The following KCNU1 variants were observed in gnomAD, a reference collection of about 807,000 sequenced individuals.
The protein encoded by KCNU1 is potassium channel subfamily U member 1.
In KCNU1, 93 loss-of-function variants were observed where a neutral mutation model predicts 126.8. The ratio of observed to expected loss-of-function variants is 0.73; its 90% confidence interval spans 0.62 to 0.87. The LOEUF is 0.87. Among genes scored for constraint, KCNU1 ranks in the 40% least tolerant of loss-of-function variants. The pLI is 0.00. For missense variants in KCNU1, 1,330 were observed against 1,367.1 expected, an observed-to-expected ratio of 0.97 and a Z score of 0.43; for synonymous variants, 523 against 494.2, an observed-to-expected ratio of 1.06 and a Z score of -0.77.
chr8:36,857,848 G>T (rs191947115), intron 18 of KCNU1, among the ~76,000 whole-genome samples: 18 of 152,038 alleles, frequency 1.2e-4, no homozygotes, highest in Admixed American at 4.6e-4. Context: ...GTTTCACCAG[G>T]TTGGCCAGGC....
rs148959455 is a variant in KCNU1, at chr8:36,788,937, G to T, written c.315+1512G>T. ...TATGGGAAGTGGGTGGGAAAGGAAT[G>T]ATGAAAAATTACATACCAATAAAAA... is the stretch of plus-strand genomic sequence containing the variant. On this transcript the variant is annotated intron_variant, in intron 2 of 26. Coordinates refer to ENST00000399881, the MANE Select transcript of KCNU1 (RefSeq NM_001031836.3). Among the ~76,000 whole-genome samples the T allele has an allele frequency of 6.0e-4, 92 of 152,280 alleles. 1 individual carries two copies. The highest frequency in any genetic ancestry group is 2.2e-3 in the African/African-American group (90 of 41,542).
At chr8:36,866,768 A>G (rs578169504) in intron 19 of KCNU1, among the ~76,000 whole-genome samples, 1 of 152,288 alleles carries the variant, frequency 6.6e-6, no homozygotes, top group Admixed American at 6.5e-5. Flanking sequence ...AAAATGAATC[A>G]GAGGCCAAAG....
At chr8:36,927,597 G>T (rs1452980940) in intron 24 of KCNU1, among the ~76,000 whole-genome samples, 2 of 152,142 alleles carry the variant, frequency 1.3e-5, no homozygotes, top group African/African-American at 4.8e-5. Flanking sequence ...CTCACTCTGA[G>T]ATTAGAAGTA....
chr8:36,902,216 G>A (rs1291863269), intron 19 of KCNU1, among the ~76,000 whole-genome samples: 1 of 152,050 alleles, frequency 6.6e-6, no homozygotes, highest in Non-Finnish European at 1.5e-5. Context: ...AGGCATATCT[G>A]TTTTTCATAA....
chr8:36,813,670 T>A (rs996290863), intron 7 of KCNU1, among the ~76,000 whole-genome samples: 1 of 151,176 alleles, frequency 6.6e-6, no homozygotes, highest in Non-Finnish European at 1.5e-5. Context: ...AAAGGTTTTT[T>A]TAAAAAAAAA....
At chr8:36,806,730 T>C (rs1803517022) in intron 5 of KCNU1, among the ~76,000 whole-genome samples, 1 of 152,234 alleles carries the variant, frequency 6.6e-6, no homozygotes, top group African/African-American at 2.4e-5. Context: ...AAGCTAATCA[T>C]CATCTCCATA....
chr8:36,910,848 C>T (rs1563331122), intron 21 of KCNU1, 82 bp from the exon 22 acceptor site: 2 of 982,498 alleles, frequency 2.0e-6, no homozygotes, highest in South Asian at 4.1e-5. Flanking sequence ...AATTACATCA[C>T]TCACAAAGAG....
At chr8:36,815,517 T>C in intron 8 of KCNU1, 79 bp from the exon 9 acceptor site, 1 of 684,130 alleles carries the variant, frequency 1.5e-6, no homozygotes, top group Non-Finnish European at 2.5e-6. Context: ...TACCCTCCTT[T>C]TCCTTTCTAA....
chr8:36,786,294 T>C (rs756910409), intron 1 of KCNU1, among the ~76,000 whole-genome samples: 22 of 152,234 alleles, frequency 1.4e-4, no homozygotes, highest in Non-Finnish European at 2.8e-4. Flanking sequence ...AATTTTATGA[T>C]GGAATTCAAA....
At chr8:36,900,044 T>C (rs1199894140) in intron 19 of KCNU1, among the ~76,000 whole-genome samples, 1 of 152,116 alleles carries the variant, frequency 6.6e-6, no homozygotes, top group East Asian at 1.9e-4. Flanking sequence ...GCTTTGGAAG[T>C]AACCAGGCTG....
In KCNU1 at chr8:36,834,744, A is replaced by G. The variant is rs760148914; in HGVS notation, c.1213-42A>G. On this transcript the variant is annotated intron_variant, in intron 11 of 26. Transcript: ENST00000399881. Reference sequence around the variant, plus strand: ...AAAGGGGAAGACCAGAGCATTTCCCATGTAATTAACAAGATGGCTCCTGTC... The same window carrying G: ...AAAGGGGAAGACCAGAGCATTTCCCGTGTAATTAACAAGATGGCTCCTGTC... The G allele has an allele frequency of 5.8e-5, 75 of 1,294,122 alleles. 1 individual carries two copies. Among genetic ancestry groups the G allele is most frequent in the Middle Eastern group, 1.8e-4 (1 of 5,410 alleles). 80.2% of individuals were successfully genotyped at this position (1,294,122 alleles called of 1,614,324 possible). A position where few individuals can be genotyped will look rare whatever the true frequency, so the allele number is the denominator to read the frequency against.
chr8:36,802,108 CAAAA>C (rs749026223), intron 2 of KCNU1, among the ~76,000 whole-genome samples: 776 of 72,314 alleles, frequency 0.011, 5 homozygotes, highest in African/African-American at 0.036. Flanking sequence ...AACTCCGTCT[CAAAA>C]AAAAAAAAAA....
At chr8:36,830,739 AT>A (rs541558040) in intron 10 of KCNU1, among the ~76,000 whole-genome samples, 379 of 149,224 alleles carry the variant, frequency 2.5e-3, no homozygotes, top group African/African-American at 7.7e-3. Flanking sequence ...GTTTTGAGAG[AT>A]TTTTTTCTTT....
intron 26 of KCNU1, among the ~76,000 whole-genome samples, chr8:36,934,323 A>G (rs1808790242): frequency 6.6e-6 from 1 of 152,106 alleles, no homozygotes; most frequent in African/African-American, 2.4e-5. Context: ...AGAGCATGTC[A>G]AGTGCTAAAG....
At chr8:36,906,004 A>G (rs925078675) in intron 20 of KCNU1, among the ~76,000 whole-genome samples, 200 bp downstream of exon 20, 1 of 152,176 alleles carries the variant, frequency 6.6e-6, no homozygotes, top group Non-Finnish European at 1.5e-5. Flanking sequence ...AGCCTACATG[A>G]GTAATATGCT....
chr8:36,895,515 CA>C (rs1191997970), intron 19 of KCNU1, among the ~76,000 whole-genome samples: 5 of 152,096 alleles, frequency 3.3e-5, no homozygotes, highest in Admixed American at 2.6e-4. Context: ...TCTCTATTAA[CA>C]AATTTAAACT....
At position 36,838,786 on chromosome 8, in the gene KCNU1, A is replaced by AT. The variant is rs143618671; in HGVS notation, c.1519-1673dup. On this transcript the variant is annotated intron_variant, in intron 14 of 26. Transcript: ENST00000399881. Reference sequence around the variant, plus strand: ...ACCTGTCATTATTTATACAAGATGGATTTTAGCTTACAGGAATTGAGAGAT... The same window carrying AT: ...ACCTGTCATTATTTATACAAGATGGATTTTTAGCTTACAGGAATTGAGAGAT... Among the ~76,000 whole-genome samples, 693 of 152,268 alleles carry AT rather than the reference A, an allele frequency of 4.6e-3. 4 individuals carry two copies. The highest frequency in any genetic ancestry group is 0.014 in the Middle Eastern group (4 of 294).
rs1808050607 is a variant in KCNU1 at position 36,915,179 on chromosome 8, C to A, written c.2522-3644C>A. ...AGAACTGGAATCAGAAAGTGGGGTT[C>A]AAAGGGGGATTTACCCATAGAGAGG... On this transcript the variant is annotated intron_variant, in intron 22 of 26. Transcript: ENST00000399881. Among the ~76,000 whole-genome samples the A allele has an allele frequency of 2.6e-5, 4 of 152,274 alleles. No individual in the cohort carries two copies. In the South Asian group the frequency reaches 8.3e-4, roughly 32 times the overall value.
intron 18 of KCNU1, among the ~76,000 whole-genome samples, chr8:36,855,879 T>TC (rs1360510915): frequency 6.6e-6 from 1 of 152,124 alleles, no homozygotes; most frequent in Non-Finnish European, 1.5e-5. Context: ...CCTTCTAACC[T>TC]CCATTTTTTC....
Sources: gnomAD v4.1 joint callset for allele counts (sites outside exome capture counted in the v4.1 genomes callset) on GRCh38, gnomAD v4.1.1 for gene constraint, MANE v1.5 for transcripts, NCBI Gene and HGNC (gene_info 2026-07-23, HGNC 2026-07-21) for gene names.